Variants in PDE12 observed in about 807,000 individuals in gnomAD.
PDE12 encodes the protein 2',5'-phosphodiesterase 12.
A neutral mutation model predicts 45.4 loss-of-function variants in PDE12; 26 were observed. That is an observed-to-expected ratio of 0.57 (90% confidence interval 0.42 to 0.79). The LOEUF (loss-of-function observed/expected upper bound fraction) is 0.79, where lower values mean the gene tolerates loss of function less well. PDE12 is among the 30% of genes least tolerant of loss of function. PDE12 has a pLI of 0.00. For missense variants in PDE12, 668 were observed against 790.0 expected (o/e 0.85, Z 1.85); for synonymous variants, 283 against 323.9 (o/e 0.87, Z 1.36).
Position 57,557,664 on chromosome 3 carries a change from C to A in PDE12, c.1285C>A (p.Leu429Ile), listed in dbSNP as rs376262036. Reference sequence around the variant, plus strand: ...GTACCCATCAGCGCAGGAGAAGGTGCTCCAGAGATCTTCTGTTCTTCAGGT... The same window carrying A: ...GTACCCATCAGCGCAGGAGAAGGTGATCCAGAGATCTTCTGTTCTTCAGGT... ...VLYPSAQEKV[L>I]QRSSVLQVSV... The change falls in exon 1 of 3, where the codon CTC becomes ATC. Residue 429 changes from leucine to isoleucine, a missense_variant. By Grantham distance (5) the Leu-to-Ile change is conservative (BLOSUM62 2). This residue lies in a region of PDE12 where 580 missense variants were observed against 662.9 expected (regional missense o/e 0.87). Coordinates refer to ENST00000311180, the MANE Select transcript of PDE12 (RefSeq NM_177966.7). 1 of 1,613,742 alleles carries A rather than the reference C, an allele frequency of 6.2e-7. No homozygotes were observed. The highest frequency in any genetic ancestry group is 8.5e-7 in the Non-Finnish European group (1 of 1,179,884).
At chr3:57,571,898 TTGTC>T in the PDE12 span, 1 of 239,562 alleles carries the variant, frequency 4.2e-6, no homozygotes. Context: ...AAAACATTAT[TTGTC>T]TGGGGCTCAA....
chr3:57,557,704 C>A lies in PDE12; in HGVS notation c.1308+17C>A. ...GTTCTTCAGGTAAAGTAGTTCCGCC[C>A]GTCTCTTCACATACTGTCCCACTTT... is the stretch of plus-strand genomic sequence containing the variant. On this transcript the variant is annotated intron_variant, in intron 1 of 2. Transcript: ENST00000311180. 2 of 1,604,592 alleles carry A rather than the reference C, an allele frequency of 1.2e-6. No homozygotes were observed. Among genetic ancestry groups the A allele is most frequent in the Non-Finnish European group, 1.7e-6 (2 of 1,172,886 alleles).
chr3:57,620,925 A>G, the PDE12 span, among the ~76,000 whole-genome samples: 1 of 152,202 alleles, frequency 6.6e-6, no homozygotes, highest in Non-Finnish European at 1.5e-5. Flanking sequence ...ATTCAATGCA[A>G]TCCCACTCAA....
the PDE12 span, among the ~76,000 whole-genome samples, chr3:57,624,429 C>T: frequency 3.3e-5 from 5 of 152,096 alleles, no homozygotes; most frequent in South Asian, 2.1e-4. Context: ...GGATTACAGG[C>T]GTGAGCCCAT....
the PDE12 span, among the ~76,000 whole-genome samples, chr3:57,629,774 A>G: frequency 2.0e-5 from 3 of 151,176 alleles, no homozygotes; most frequent in South Asian, 6.3e-4. Context: ...CACCCACCTC[A>G]GCCTCCCAAA....
At chr3:57,594,434 T>G in the PDE12 span, among the ~76,000 whole-genome samples, 1 of 152,174 alleles carries the variant, frequency 6.6e-6, no homozygotes, top group African/African-American at 2.4e-5. Context: ...ATATCATCAC[T>G]TGCATAACTT....
the PDE12 span, among the ~76,000 whole-genome samples, chr3:57,632,330 C>CT: frequency 0.022 from 3,277 of 146,502 alleles, 67 homozygotes; most frequent in African/African-American, 0.052. Flanking sequence ...AGTCCATGCT[C>CT]TTTTTTTTTT....
chr3:57,644,984 T>C, the PDE12 span, among the ~76,000 whole-genome samples: 2 of 151,756 alleles, frequency 1.3e-5, no homozygotes, highest in Non-Finnish European at 2.9e-5. Context: ...AGATCGTACA[T>C]GCAGATTTTT....
the PDE12 span, among the ~76,000 whole-genome samples, chr3:57,606,710 T>A: frequency 3.9e-5 from 6 of 152,126 alleles, no homozygotes; most frequent in African/African-American, 1.4e-4. Context: ...AACATTATTG[T>A]AAGGTTCCTA....
At chr3:57,625,264 C>T in the PDE12 span, among the ~76,000 whole-genome samples, 2 of 152,250 alleles carry the variant, frequency 1.3e-5, no homozygotes, top group East Asian at 3.9e-4. Flanking sequence ...TATGAAGTCA[C>T]TTAACTGATC....
chr3:57,609,865 T>A, the PDE12 span, among the ~76,000 whole-genome samples: 1 of 152,064 alleles, frequency 6.6e-6, no homozygotes, highest in Non-Finnish European at 1.5e-5. Flanking sequence ...AAAGAGGGAA[T>A]CCTCCATAAC....
chr3:57,653,815 G>A, the PDE12 span, among the ~76,000 whole-genome samples: 3,783 of 145,788 alleles, frequency 0.026, 168 homozygotes, highest in African/African-American at 0.092. Context: ...ATGAAGGTCT[G>A]TAAGGAAATC....
chr3:57,633,270 G>T, the PDE12 span: 1 of 1,611,524 alleles, frequency 6.2e-7, no homozygotes, highest in Non-Finnish European at 8.5e-7. Context: ...CTTACTAATG[G>T]AATGATGAAA....
At chr3:57,597,836 C>T in the PDE12 span, 1 of 152,250 alleles carries the variant, frequency 6.6e-6, no homozygotes, top group Non-Finnish European at 1.5e-5. Context: ...ACACACGGGA[C>T]CAGACGCTTG....
the PDE12 span, among the ~76,000 whole-genome samples, chr3:57,641,310 T>C: frequency 6.9e-6 from 1 of 144,134 alleles, no homozygotes; most frequent in Non-Finnish European, 1.5e-5. Flanking sequence ...TAAATATATA[T>C]TTATATTCAA....
rs1341288666 is a variant in PDE12 at position 57,562,167 on chromosome 3, A to G, written c.*2163A>G. 3 of 929,438 alleles carry G rather than the reference A, an allele frequency of 3.2e-6. No individual in the cohort carries two copies. The highest frequency in any genetic ancestry group is 6.2e-5 in the Admixed American group (1 of 16,184). 57.6% of individuals were successfully genotyped at this position (929,438 alleles called of 1,614,324 possible). The stretch of plus-strand genomic sequence containing the variant: ...GTGTCACATCAAAAAGTTGAGAAAC[A>G]TTTTGAAAGAAAAAATTCGAACATG... On this transcript the variant is annotated 3_prime_UTR_variant, in exon 3 of 3. Coordinates refer to ENST00000311180, the MANE Select transcript of PDE12 (RefSeq NM_177966.7).
chr3:57,616,967 T>C, the PDE12 span, among the ~76,000 whole-genome samples: 2 of 152,108 alleles, frequency 1.3e-5, no homozygotes, highest in Non-Finnish European at 2.9e-5. Flanking sequence ...GAGGTTGCAG[T>C]GAGTCAAGAT....
At chr3:57,581,522 C>G in the PDE12 span, among the ~76,000 whole-genome samples, 1 of 152,166 alleles carries the variant, frequency 6.6e-6, no homozygotes, top group Non-Finnish European at 1.5e-5. Flanking sequence ...ATATATTGGC[C>G]AAGCGCAGTA....
At position 57,560,138 on chromosome 3, in the gene PDE12, T is replaced by A; in HGVS notation, c.*134T>A. 1.4e-6 allele frequency: 2 copies of A among 1,430,606 alleles called. No individual in the cohort carries two copies. Among genetic ancestry groups the A allele is most frequent in the South Asian group, 3.1e-5 (2 of 64,590 alleles). The allele number at this position is 1,430,606 out of a possible 1,614,324, so 88.6% of individuals were successfully genotyped here. On this transcript the variant is annotated 3_prime_UTR_variant, in exon 3 of 3. Transcript: ENST00000311180. ...TCAGCCCTCCTAGTTATGTTCCTGA[T>A]GTCTTCGTTATGAAACTGTTGATGT...
Sources: allele counts gnomAD v4.1 joint callset (sites outside exome capture counted in the v4.1 genomes callset), GRCh38; gene constraint gnomAD v4.1.1; regional missense constraint gnomAD v4.1.1; transcripts MANE v1.5; gene names NCBI Gene and HGNC (gene_info 2026-07-23, HGNC 2026-07-21).